The following NUDT3 variants were observed in gnomAD, a reference collection of about 807,000 sequenced individuals.
NUDT3 encodes the protein diphosphoinositol polyphosphate phosphohydrolase 1.
NUDT3 carries 9 observed loss-of-function variants against 23.6 expected under a neutral mutation model. The observed-to-expected ratio is 0.38, with a 90% CI of 0.23 to 0.66. The LOEUF is 0.66. NUDT3 is among the 30% of genes least tolerant of loss of function. The pLI is 0.52. For synonymous variants in NUDT3, 86 were observed against 82.6 expected, an observed-to-expected ratio of 1.04 and a Z score of -0.22; for missense variants, 172 against 218.5, an observed-to-expected ratio of 0.79 and a Z score of 1.34.
Position 34,355,754 on chromosome 6 carries a change from A to G in NUDT3, c.100-13782T>C, listed in dbSNP as rs150952196. Among the ~76,000 whole-genome samples the G allele has an allele frequency of 6.3e-3, 955 of 151,514 alleles. 11 individuals carry two copies. The highest frequency in any genetic ancestry group is 0.022 in the African/African-American group (904 of 41,406). ...CAATTTCTTTAATAGACATAGGCTTATTTATTTATTCTTAAAGAAGCTTTA... is the reference window on the plus strand; with the variant it reads ...CAATTTCTTTAATAGACATAGGCTTGTTTATTTATTCTTAAAGAAGCTTTA... On this transcript the variant is annotated intron_variant, in intron 1 of 4. Coordinates refer to ENST00000607016, the MANE Select transcript of NUDT3 (RefSeq NM_006703.4).
rs1415857191 is a variant in NUDT3, at chr6:34,286,529, T to C, written c.*2224A>G. On this transcript the variant is annotated 3_prime_UTR_variant, in exon 5 of 5. Coordinates refer to ENST00000607016, the MANE Select transcript of NUDT3 (RefSeq NM_006703.4). ...CTACTTTATTTTGCCCTTTATTTAT[T>C]TGAACAGAACTTTAGAATGCTCTAG... The C allele has an allele frequency of 1.3e-5, 2 of 152,216 alleles. No homozygotes were observed. The highest frequency in any genetic ancestry group is 6.5e-5 in the Admixed American group (1 of 15,274). 9.4% of individuals were successfully genotyped at this position (152,216 alleles called of 1,614,324 possible). A position where few individuals can be genotyped will look rare whatever the true frequency, so the allele number is the denominator to read the frequency against.
chr6:34,342,272 A>T (rs1764298802), intron 1 of NUDT3, among the ~76,000 whole-genome samples: 1 of 140,830 alleles, frequency 7.1e-6, no homozygotes, highest in Non-Finnish European at 1.5e-5. Context: ...AGACCTGACA[A>T]GGTGAATAGA....
chr6:34,321,983 T>C (rs928239979), intron 2 of NUDT3, among the ~76,000 whole-genome samples: 1 of 152,232 alleles, frequency 6.6e-6, no homozygotes, highest in Non-Finnish European at 1.5e-5. Context: ...GAAGCAGAAC[T>C]ATCCCATAGG....
intron 1 of NUDT3, among the ~76,000 whole-genome samples, chr6:34,390,106 C>T (rs1416434391): frequency 4.6e-5 from 7 of 152,062 alleles, no homozygotes; most frequent in African/African-American, 2.4e-5. Context: ...CCACTGCACT[C>T]CAGCCTGGGC....
chr6:34,384,968 G>A (rs1765081016), intron 1 of NUDT3, among the ~76,000 whole-genome samples: 1 of 150,866 alleles, frequency 6.6e-6, no homozygotes, highest in South Asian at 2.1e-4. Context: ...GGTGGAAGCT[G>A]CAGTGACCTG....
chr6:34,353,863 G>A (rs915675123), intron 1 of NUDT3, among the ~76,000 whole-genome samples: 8 of 151,186 alleles, frequency 5.3e-5, no homozygotes, highest in Admixed American at 3.3e-4. Context: ...TACCATACCC[G>A]GCTAATACTT....
chr6:34,380,358 AT>A (rs967304656), intron 1 of NUDT3, among the ~76,000 whole-genome samples: 5 of 148,962 alleles, frequency 3.4e-5, no homozygotes, highest in African/African-American at 2.4e-5. Context: ...AGCCCTATTT[AT>A]TTTTTTTTTA....
intron 1 of NUDT3, among the ~76,000 whole-genome samples, chr6:34,387,702 T>C (rs970755159): frequency 2.0e-5 from 3 of 148,982 alleles, no homozygotes; most frequent in Non-Finnish European, 4.4e-5. Flanking sequence ...AAAAAGTGAT[T>C]TTAGTATGAC....
rs1043263229 is a variant in NUDT3, at chr6:34,284,133, G to C, written c.*4620C>G. On this transcript the variant is annotated 3_prime_UTR_variant, in exon 5 of 5. Transcript: ENST00000607016. ...CCACCTCAACTGAGCAGTATGAACT[G>C]CCCACCTCAACTGGGCAGTCTGACC... 7 of 152,132 alleles carry C rather than the reference G, an allele frequency of 4.6e-5. No individual in the cohort carries two copies. The highest frequency in any genetic ancestry group is 8.8e-5 in the Non-Finnish European group (6 of 68,034). The allele number at this position is 152,132 out of a possible 1,614,324, so 9.4% of individuals were successfully genotyped here. A position where few individuals can be genotyped will look rare whatever the true frequency, so the allele number is the denominator to read the frequency against.
intron 1 of NUDT3, among the ~76,000 whole-genome samples, chr6:34,351,269 G>T (rs755606157): frequency 7.2e-6 from 1 of 138,662 alleles, no homozygotes; most frequent in Non-Finnish European, 1.5e-5. Flanking sequence ...GAGGCCAGGC[G>T]TTCAAGACCA....
At chr6:34,342,028 C>T in intron 1 of NUDT3, 56 bp from the exon 2 acceptor site, 2 of 1,512,328 alleles carry the variant, frequency 1.3e-6, no homozygotes, top group Non-Finnish European at 1.8e-6. Flanking sequence ...CACATCCACA[C>T]AAATTCAGAG....
intron 1 of NUDT3, among the ~76,000 whole-genome samples, chr6:34,354,428 C>CAT (rs368836351): frequency 1.6e-4 from 22 of 141,542 alleles, no homozygotes; most frequent in Non-Finnish European, 2.4e-4. Context: ...CACACACACA[C>CAT]ATACACACTC....
rs544295306 is a variant in NUDT3 at position 34,340,735 on chromosome 6, G to A, written c.210+1127C>T. Among the ~76,000 whole-genome samples, 3 of 152,310 alleles carry A rather than the reference G, an allele frequency of 2.0e-5. No individual in the cohort carries two copies. The South Asian group carries it at 6.2e-4, about 32-fold the overall frequency. ...ATTGTTCCATCTATCAAAGAAGCAT[G>A]TATTAATTACTTTCTGTTCACCTAG... On this transcript the variant is annotated intron_variant, in intron 2 of 4. Coordinates refer to ENST00000607016, the MANE Select transcript of NUDT3 (RefSeq NM_006703.4).
At chr6:34,392,089 C>CTGGG (rs931530598) in intron 1 of NUDT3, among the ~76,000 whole-genome samples, 175 bp downstream of exon 1, 7 of 152,162 alleles carry the variant, frequency 4.6e-5, no homozygotes, top group African/African-American at 1.7e-4. Context: ...TTCCCCTCAG[C>CTGGG]CCCAACGTCC....
At chr6:34,297,760 A>ATATATT (rs1763535832) in intron 2 of NUDT3, among the ~76,000 whole-genome samples, 3 of 53,652 alleles carry the variant, frequency 5.6e-5, no homozygotes, top group African/African-American at 3.2e-4. Flanking sequence ...TATATATATA[A>ATATATT]TTTTTTTTTT....
At chr6:34,307,006 C>T (rs577437564) in intron 2 of NUDT3, among the ~76,000 whole-genome samples, 8 of 152,036 alleles carry the variant, frequency 5.3e-5, no homozygotes, top group Non-Finnish European at 7.4e-5. Flanking sequence ...GTGGCCTATG[C>T]GCAATTTGTG....
chr6:34,360,053 C>T (rs1344405883), intron 1 of NUDT3, among the ~76,000 whole-genome samples: 2 of 151,738 alleles, frequency 1.3e-5, no homozygotes, highest in Non-Finnish European at 2.9e-5. Context: ...AATAGAAAAA[C>T]CCCATCTCTA....
intron 1 of NUDT3, among the ~76,000 whole-genome samples, chr6:34,383,863 G>A (rs528329519): frequency 6.6e-6 from 1 of 152,194 alleles, no homozygotes; most frequent in East Asian, 1.9e-4. Context: ...CAAACAGAAG[G>A]GAAAGCAGGG....
chr6:34,314,423 G>C (rs1763828499), intron 2 of NUDT3, among the ~76,000 whole-genome samples: 1 of 151,238 alleles, frequency 6.6e-6, no homozygotes, highest in Admixed American at 6.6e-5. Flanking sequence ...CCCAGGCCTG[G>C]TGGTATGCGC....
Sources: gnomAD v4.1 joint callset for allele counts (sites outside exome capture counted in the v4.1 genomes callset) on GRCh38, gnomAD v4.1.1 for gene constraint, MANE v1.5 for transcripts, NCBI Gene and HGNC (gene_info 2026-07-23, HGNC 2026-07-21) for gene names.